DPH6: variants seen among roughly 807,000 people sequenced by gnomAD.
The protein encoded by DPH6 is diphthamine biosynthesis 6.
In DPH6, 33 loss-of-function variants were observed where a neutral mutation model predicts 38.2. The ratio of observed to expected loss-of-function variants is 0.86; its 90% CI spans 0.65 to 1.15. The LOEUF is 1.15. DPH6 is among the 50% of genes most tolerant of loss of function. DPH6 has a pLI of 0.00. For missense variants in DPH6, 325 were observed against 320.0 expected, an observed-to-expected ratio of 1.02 and a Z score of -0.12; for synonymous variants, 108 against 103.0, an observed-to-expected ratio of 1.05 and a Z score of -0.30.
intron 3 of DPH6, among the ~76,000 whole-genome samples, chr15:35,343,926 G>A (rs573120833): frequency 8.6e-5 from 13 of 151,882 alleles, no homozygotes; most frequent in Non-Finnish European, 1.5e-4. Context: ...AATGAGGAAG[G>A]CAGGAAGCTT....
rs867108066 is a variant in DPH6 at position 35,244,714 on chromosome 15, G to A, written n.201-24132C>T. Among the ~76,000 whole-genome samples, 6 of 152,198 alleles carry A rather than the reference G, an allele frequency of 3.9e-5. No individual in the cohort carries two copies. In the South Asian group the frequency reaches 1.2e-3, roughly 32 times the overall value. ...TACAATTTTAAAACAACTTTGGATT[G>A]TGAAAGAAGAAAACTTAGGATGGGT... On this transcript the variant is annotated intron_variant and non_coding_transcript_variant, in intron 3 of 3. Transcript: ENST00000560386.
chr15:35,280,951 G>A (rs956433459), intron 3 of DPH6, among the ~76,000 whole-genome samples: 5 of 151,892 alleles, frequency 3.3e-5, no homozygotes. Context: ...TATATTTTTT[G>A]TGACTTTTTA....
At chr15:35,311,400 TCTTA>T (rs1322785231) in intron 3 of DPH6, among the ~76,000 whole-genome samples, 10 of 152,304 alleles carry the variant, frequency 6.6e-5, no homozygotes, top group African/African-American at 2.4e-4. Flanking sequence ...ATGGCAGTCT[TCTTA>T]CTCTTTTTTC....
chr15:35,201,290 A>C, the DPH6 span, among the ~76,000 whole-genome samples: 3 of 151,726 alleles, frequency 2.0e-5, no homozygotes, highest in African/African-American at 4.8e-5. Context: ...TATTTGGTTC[A>C]TAGAAATACT....
chr15:35,300,221 G>A (rs896065209), intron 3 of DPH6, among the ~76,000 whole-genome samples: 1 of 152,188 alleles, frequency 6.6e-6, no homozygotes, highest in Non-Finnish European at 1.5e-5. Context: ...GCAGACAAGG[G>A]TATAATCATG....
the DPH6 span, among the ~76,000 whole-genome samples, chr15:35,160,449 A>C: frequency 6.6e-6 from 1 of 151,456 alleles, no homozygotes; most frequent in Non-Finnish European, 1.5e-5. Flanking sequence ...TTCTTTTCTC[A>C]ACTTTTATTT....
chr15:35,237,703 C>T (rs866013571), intron 3 of DPH6: 36 of 1,613,486 alleles, frequency 2.2e-5, no homozygotes, highest in Non-Finnish European at 3.1e-5. Context: ...GCGAGGTAAC[C>T]AACCTGAACG....
intron 6 of DPH6, among the ~76,000 whole-genome samples, chr15:35,391,694 C>T (rs901850799): frequency 1.3e-4 from 20 of 152,164 alleles, no homozygotes; most frequent in African/African-American, 3.1e-4. Flanking sequence ...GTTGGAAAAG[C>T]GCAGTATTAG....
intron 6 of DPH6, among the ~76,000 whole-genome samples, chr15:35,384,491 G>A (rs2052917465): frequency 6.6e-6 from 1 of 152,026 alleles, no homozygotes; most frequent in African/African-American, 2.4e-5. Context: ...TCAAAGTCAT[G>A]ACAATCAAAA....
the DPH6 span, among the ~76,000 whole-genome samples, chr15:35,158,887 C>T: frequency 6.6e-6 from 1 of 152,052 alleles, no homozygotes; most frequent in Non-Finnish European, 1.5e-5. Context: ...ATCCAACTCT[C>T]CACCTACTAT....
At chr15:35,537,433 T>C (rs1209665624) in intron 3 of DPH6, among the ~76,000 whole-genome samples, 6 of 152,162 alleles carry the variant, frequency 3.9e-5, no homozygotes, top group East Asian at 1.9e-4. Flanking sequence ...TAAAAATTCA[T>C]ACTTAGAAGA....
downstream of DPH6, among the ~76,000 whole-genome samples, chr15:35,330,562 A>G (rs2052319645): frequency 6.6e-6 from 1 of 152,164 alleles, no homozygotes; most frequent in Non-Finnish European, 1.5e-5. Context: ...CAGCTTTCTG[A>G]AAAACTTAAT....
chr15:35,318,112 C>T (rs932702310), intron 3 of DPH6, among the ~76,000 whole-genome samples: 2 of 151,790 alleles, frequency 1.3e-5, no homozygotes, highest in African/African-American at 4.8e-5. Flanking sequence ...TATTTCCAAA[C>T]TGGATTAAAA....
intron 4 of DPH6, 118 bp from the exon 5 acceptor site, chr15:35,450,921 T>C (rs2141080468): frequency 1.3e-6 from 1 of 790,126 alleles, no homozygotes. Context: ...GCATTGAAAA[T>C]GCTTTTAAAA....
the DPH6 span, among the ~76,000 whole-genome samples, chr15:35,204,606 C>A: frequency 3.3e-5 from 5 of 151,596 alleles, no homozygotes; most frequent in African/African-American, 1.2e-4. Context: ...ATGGGTTATG[C>A]CCAAAACTCT....
the DPH6 span, among the ~76,000 whole-genome samples, chr15:35,145,447 T>G: frequency 6.6e-6 from 1 of 152,210 alleles, no homozygotes; most frequent in Non-Finnish European, 1.5e-5. Context: ...GGAGTTACAA[T>G]ATGAAAGTAC....
intron 7 of DPH6, among the ~76,000 whole-genome samples, chr15:35,379,215 C>T (rs1042328356): frequency 1.3e-4 from 20 of 152,108 alleles, no homozygotes; most frequent in African/African-American, 4.1e-4. Flanking sequence ...ATGGCCCCTC[C>T]CTCACCTCAA....
At chr15:35,384,715 A>G (rs964584450) in intron 6 of DPH6, among the ~76,000 whole-genome samples, 1 of 152,144 alleles carries the variant, frequency 6.6e-6, no homozygotes, top group Non-Finnish European at 1.5e-5. Context: ...AACCACTGGC[A>G]TAGTTGTTAC....
At chr15:35,457,896 GACT>G (rs1014902518) in intron 3 of DPH6, among the ~76,000 whole-genome samples, 3 of 151,718 alleles carry the variant, frequency 2.0e-5, no homozygotes, top group Admixed American at 6.6e-5. Flanking sequence ...TACTACTACT[GACT>G]ACTACTACAG....
Sources: gnomAD v4.1 joint callset for allele counts (sites outside exome capture counted in the v4.1 genomes callset) on GRCh38, gnomAD v4.1.1 for gene constraint, MANE v1.5 for transcripts, NCBI Gene and HGNC (gene_info 2026-07-23, HGNC 2026-07-21) for gene names.